NLRP13: variants seen among roughly 807,000 people sequenced by gnomAD.
The protein encoded by NLRP13 is NLR family pyrin domain containing 13.
NLRP13 carries 82 observed loss-of-function variants against 94.4 expected under a neutral mutation model. The ratio of observed to expected loss-of-function variants is 0.87; its 90% CI spans 0.73 to 1.04. NLRP13 has a LOEUF of 1.04. Among genes scored for constraint, NLRP13 ranks in the 50% least tolerant of loss-of-function variants. The probability of loss-of-function intolerance (pLI) is 0.00; values close to 1 mark genes in which losing one functional copy is unlikely to be tolerated. For synonymous variants in NLRP13, 553 were observed against 464.7 expected (o/e 1.19, Z -2.45); for missense variants, 1,426 against 1,230.8 (o/e 1.16, Z -2.37).
At chr19:55,899,010 A>T in intron 9 of NLRP13, 73 bp from the exon 10 acceptor site, 1 of 1,468,204 alleles carries the variant, frequency 6.8e-7, no homozygotes, top group Non-Finnish European at 9.2e-7. Context: ...ACAACTGCCC[A>T]TCTCACGTCC....
At chr19:55,917,861 CAG>C (rs1161099444) in intron 4 of NLRP13, among the ~76,000 whole-genome samples, 9 of 151,970 alleles carry the variant, frequency 5.9e-5, no homozygotes, top group Non-Finnish European at 1.2e-4. Flanking sequence ...ATCATCAAGA[CAG>C]AAAATCAACA....
intron 4 of NLRP13, among the ~76,000 whole-genome samples, chr19:55,921,070 A>C (rs1020569767): frequency 1.6e-4 from 24 of 152,206 alleles, no homozygotes; most frequent in Admixed American, 1.4e-3. Context: ...TCATGTGTAC[A>C]TATGTACATA....
chr19:55,917,711 T>C (rs903110441), intron 4 of NLRP13, among the ~76,000 whole-genome samples: 7 of 151,800 alleles, frequency 4.6e-5, no homozygotes, highest in Admixed American at 2.6e-4. Context: ...AAGGGATCAA[T>C]TCAAGAAGAT....
chr19:55,929,881 A>T (rs1334451025), intron 1 of NLRP13, among the ~76,000 whole-genome samples: 1 of 101,622 alleles, frequency 9.8e-6, no homozygotes, highest in Non-Finnish European at 2.1e-5. Context: ...GGTTCTTTGA[A>T]AAAAAAGAAA....
intron 4 of NLRP13, among the ~76,000 whole-genome samples, chr19:55,921,099 G>T (rs986684563): frequency 6.6e-6 from 1 of 152,090 alleles, no homozygotes; most frequent in Non-Finnish European, 1.5e-5. Flanking sequence ...AATAATAGAC[G>T]TTGAAGACTC....
intron 1 of NLRP13, among the ~76,000 whole-genome samples, chr19:55,930,901 A>ATATATATATATATATATTTTTTT (rs1338071833): frequency 2.0e-5 from 2 of 98,286 alleles, no homozygotes; most frequent in Non-Finnish European, 3.8e-5. Flanking sequence ...TATATATAAA[A>ATATATATATATATATATTTTTTT]TTTTAACCAG....
intron 8 of NLRP13, among the ~76,000 whole-genome samples, chr19:55,904,158 T>C (rs1173929490): frequency 6.6e-6 from 1 of 152,182 alleles, no homozygotes; most frequent in African/African-American, 2.4e-5. Context: ...AGTGGCACGA[T>C]CTCAGCTCAC....
At chr19:55,910,822 C>G (rs1986488881) in intron 5 of NLRP13, 89 bp from the exon 6 acceptor site, 2 of 1,105,404 alleles carry the variant, frequency 1.8e-6, no homozygotes. Flanking sequence ...GAAAGAAACC[C>G]TAACAAAATT....
chr19:55,926,862 A>G (rs906181126), intron 1 of NLRP13, among the ~76,000 whole-genome samples: 9 of 152,216 alleles, frequency 5.9e-5, no homozygotes, highest in Non-Finnish European at 2.9e-5. Flanking sequence ...TAACTTTGAA[A>G]AGTATGAATT....
chr19:55,931,722 A>AGAAAGAAAGAAAGAAAGAAAGAAAG (rs1468023647), intron 1 of NLRP13, among the ~76,000 whole-genome samples: 14 of 107,402 alleles, frequency 1.3e-4, no homozygotes, highest in African/African-American at 5.0e-4. Flanking sequence ...AAAAAAAAAA[A>AGAAAGAAAGAAAGAAAGAAAGAAAG]AAAGAAAGAA....
intron 4 of NLRP13, among the ~76,000 whole-genome samples, chr19:55,915,987 A>G (rs548927045): frequency 1.3e-5 from 2 of 152,348 alleles, no homozygotes; most frequent in South Asian, 2.1e-4. Flanking sequence ...TAACACAAGT[A>G]AACAGTGCTT....
intron 7 of NLRP13, among the ~76,000 whole-genome samples, chr19:55,907,108 G>A (rs538298901): frequency 1.3e-5 from 2 of 152,166 alleles, no homozygotes; most frequent in African/African-American, 2.4e-5. Context: ...ACAGGCATGT[G>A]CCACCACACC....
rs568009546 is a variant in NLRP13 at position 55,905,952 on chromosome 19, C to G, written c.2448-840G>C. 1.2e-4 allele frequency among the ~76,000 whole-genome samples: 18 copies of G among 152,178 alleles called. No individual in the cohort carries two copies. The South Asian group carries it at 2.1e-3, about 18-fold the overall frequency. On this transcript the variant is annotated intron_variant, in intron 7 of 10. Transcript: ENST00000342929. ...TGGATTTGGGGAGAATCAAAGAAGC[C>G]TAAGGAAATTATGCAAAGAAAGGCT...
intron 4 of NLRP13, among the ~76,000 whole-genome samples, chr19:55,919,016 A>G (rs1461528471): frequency 6.6e-6 from 1 of 152,126 alleles, no homozygotes; most frequent in African/African-American, 2.4e-5. Flanking sequence ...AAAAAAGATA[A>G]TACACCATGA....
chr19:55,925,008 T>A lies in NLRP13; in HGVS notation c.347A>T (p.Asp116Val). Reference protein sequence around the residue: ...KENVQTQELQDPTQEDLEMLE... With the variant: ...KENVQTQELQVPTQEDLEMLE... The stretch of plus-strand genomic sequence containing the variant: ...CATCTCTAGATCTTCCTGGGTTGGA[T>A]CTTGCAGCTCTTGGGTCTGCACATT... Residue 116 changes from aspartate (D) to valine (V), a missense_variant, in exon 2 of 11, where the codon GAT becomes GTT. Asp to Val is a radical substitution (Grantham distance 152). Coordinates refer to ENST00000342929, the MANE Select transcript of NLRP13 (RefSeq NM_176810.2). The A allele has an allele frequency of 1.2e-6, 2 of 1,614,158 alleles. No individual in the cohort carries two copies. Among genetic ancestry groups the A allele is most frequent in the Non-Finnish European group, 1.7e-6 (2 of 1,180,002 alleles).
intron 8 of NLRP13, among the ~76,000 whole-genome samples, chr19:55,903,564 C>T (rs564620231): frequency 3.3e-5 from 5 of 152,232 alleles, no homozygotes; most frequent in East Asian, 1.9e-4. Context: ...CTGCCTACAA[C>T]GGCTCACGTA....
Position 55,910,738 on chromosome 19 carries a change from A to G in NLRP13, c.2112-5T>C. On this transcript the variant is annotated splice_region_variant and splice_polypyrimidine_tract_variant and intron_variant, in intron 5 of 10. Transcript: ENST00000342929. ...CTGGAATCAAACTTGCTTGTCCTTC[A>G]TGAGGGAGAGACAGAACACGGATAA... The G allele has an allele frequency of 6.2e-7, 1 of 1,604,194 alleles. No individual in the cohort carries two copies. The highest frequency in any genetic ancestry group is 1.3e-5 in the African/African-American group (1 of 74,908).
chr19:55,893,388 C>CA (rs955924073), downstream of NLRP13, among the ~76,000 whole-genome samples: 12 of 150,598 alleles, frequency 8.0e-5, no homozygotes, highest in Non-Finnish European at 1.0e-4. Flanking sequence ...AACTCCATCT[C>CA]AAAAAAAAAG....
intron 4 of NLRP13, among the ~76,000 whole-genome samples, chr19:55,922,027 A>G (rs994471118): frequency 1.3e-5 from 2 of 152,214 alleles, no homozygotes; most frequent in Admixed American, 6.5e-5. Flanking sequence ...AGGCCTCGCA[A>G]TCATGGCAGA....
Sources: gnomAD v4.1 joint callset for allele counts (sites outside exome capture counted in the v4.1 genomes callset) on GRCh38, gnomAD v4.1.1 for gene constraint, MANE v1.5 for transcripts, NCBI Gene and HGNC (gene_info 2026-07-23, HGNC 2026-07-21) for gene names.